The following CNTLN variants were observed in gnomAD, a reference collection of about 807,000 sequenced individuals.
CNTLN encodes the protein centlein, also known as centlein, centrosomal protein.
Under a neutral mutation model 180.0 loss-of-function variants are expected in CNTLN, and 212 were observed. The ratio of observed to expected loss-of-function variants is 1.18; its 90% CI spans 1.05 to 1.32. The LOEUF is 1.32. CNTLN is among the 40% of genes most tolerant of loss of function. CNTLN has a pLI of 0.00. For synonymous variants in CNTLN, 722 were observed against 563.1 expected, an observed-to-expected ratio of 1.28 and a Z score of -3.99; for missense variants, 2,095 against 1,610.9, an observed-to-expected ratio of 1.30 and a Z score of -5.14.
At chr9:17,509,227 A>C in the CNTLN span, among the ~76,000 whole-genome samples, 1 of 152,290 alleles carries the variant, frequency 6.6e-6, no homozygotes, top group East Asian at 1.9e-4. Context: ...GCACAGACCA[A>C]CACTCAGCCC....
At chr9:17,337,847 C>T (rs1299136144) in intron 10 of CNTLN, among the ~76,000 whole-genome samples, 2 of 152,112 alleles carry the variant, frequency 1.3e-5, no homozygotes, top group Admixed American at 6.5e-5. Context: ...TTTATTTTCA[C>T]ATCTTGGTCA....
intron 12 of CNTLN, among the ~76,000 whole-genome samples, chr9:17,352,639 C>G (rs576587367): frequency 4.6e-5 from 7 of 152,078 alleles, no homozygotes; most frequent in Non-Finnish European, 1.0e-4. Flanking sequence ...TAGCAGTGAA[C>G]TTTAATTCAA....
At chr9:17,517,561 T>C in the CNTLN span, among the ~76,000 whole-genome samples, 1 of 152,028 alleles carries the variant, frequency 6.6e-6, no homozygotes, top group Non-Finnish European at 1.5e-5. Context: ...GACACAAAGA[T>C]ACACACAGAG....
chr9:17,391,858 TC>T (rs1351768275), intron 14 of CNTLN, among the ~76,000 whole-genome samples: 7 of 152,114 alleles, frequency 4.6e-5, no homozygotes. Context: ...CATTTAATAC[TC>T]CCAACAAAAC....
chr9:17,298,999 TTTGG>T (rs1404251156), intron 7 of CNTLN: 3 of 905,630 alleles, frequency 3.3e-6, no homozygotes, highest in African/African-American at 1.8e-5. Flanking sequence ...ATCCCAGCAC[TTTGG>T]GAGGCTGAGG....
rs1184823046 is a variant in CNTLN, at chr9:17,466,816, A to C, written c.3780A>C (p.Glu1260Asp). ...KQLQELALQS[E>D]QVLEGAQKTL... ...TTCAAGAATTAGCATTGCAAAGTGAACAGGTCCTAGAAGGTGCACAGAAGA... is the reference window on the plus strand; with the variant it reads ...TTCAAGAATTAGCATTGCAAAGTGACCAGGTCCTAGAAGGTGCACAGAAGA... The change falls in exon 23 of 26, where the codon GAA (glutamate) becomes GAC (aspartate). Residue 1260 changes from glutamate to aspartate, a missense_variant. By Grantham distance (45) the Glu-to-Asp change is conservative. Coordinates refer to ENST00000380647, the MANE Select transcript of CNTLN (RefSeq NM_017738.4). 6.2e-7 allele frequency: 1 copy of C among 1,611,058 alleles called. No individual in the cohort carries two copies. Among genetic ancestry groups the C allele is most frequent in the Non-Finnish European group, 8.5e-7 (1 of 1,177,990 alleles).
At chr9:17,486,920 A>G (rs1832917945) in intron 24 of CNTLN, 69 bp from the exon 25 acceptor site, 1 of 693,268 alleles carries the variant, frequency 1.4e-6, no homozygotes, top group African/African-American at 1.9e-5. Context: ...AGATTTATTC[A>G]GTATCTAATA....
At chr9:17,515,211 T>C in the CNTLN span, among the ~76,000 whole-genome samples, 3 of 152,198 alleles carry the variant, frequency 2.0e-5, no homozygotes, top group African/African-American at 2.4e-5. Context: ...GTCTTCACTT[T>C]GCTTCTTGTA....
Position 17,209,254 on chromosome 9 carries a change from T to C in CNTLN, c.450-16949T>C, listed in dbSNP as rs1823122779. 3.9e-5 allele frequency among the ~76,000 whole-genome samples: 6 copies of C among 152,206 alleles called. No homozygotes were observed. The South Asian group carries it at 1.2e-3, about 31-fold the overall frequency. ...AATTCCTCCTGTTACTGATTTCTAG[T>C]TTTATTCCATTGTAGTCAGAGAAGA... On this transcript the variant is annotated intron_variant, in intron 2 of 25. Transcript: ENST00000380647.
intron 12 of CNTLN, among the ~76,000 whole-genome samples, chr9:17,357,607 A>G (rs1358898754): frequency 1.1e-5 from 1 of 94,250 alleles, no homozygotes; most frequent in East Asian, 3.8e-4. Flanking sequence ...TACTACATAT[A>G]TATATAAATA....
intron 18 of CNTLN, among the ~76,000 whole-genome samples, chr9:17,420,737 G>C (rs1828654146): frequency 6.6e-6 from 1 of 151,854 alleles, no homozygotes; most frequent in Admixed American, 6.6e-5. Flanking sequence ...TGTTCCATAG[G>C]TCTTGGTATG....
intron 10 of CNTLN, among the ~76,000 whole-genome samples, chr9:17,335,667 A>G (rs1187870901): frequency 6.6e-6 from 1 of 151,920 alleles, no homozygotes; most frequent in Non-Finnish European, 1.5e-5. Flanking sequence ...GCCAGGCACG[A>G]TGGCTCAGGC....
At chr9:17,483,683 C>T (rs1264562415) in intron 23 of CNTLN, among the ~76,000 whole-genome samples, 1 of 152,164 alleles carries the variant, frequency 6.6e-6, no homozygotes, top group African/African-American at 2.4e-5. Flanking sequence ...CTCAAAGAGG[C>T]AACTTAAAGG....
chr9:17,327,636 C>CA (rs1179915341), intron 8 of CNTLN, among the ~76,000 whole-genome samples: 1 of 151,186 alleles, frequency 6.6e-6, no homozygotes, highest in African/African-American at 2.4e-5. Flanking sequence ...ATTTTATTTG[C>CA]AAAAAAATAA....
intron 2 of CNTLN, among the ~76,000 whole-genome samples, chr9:17,214,451 T>A (rs1419789595): frequency 6.6e-6 from 1 of 152,228 alleles, no homozygotes; most frequent in African/African-American, 2.4e-5. Context: ...CTTCCCTTTG[T>A]GGGTAACCCG....
intron 10 of CNTLN, among the ~76,000 whole-genome samples, chr9:17,337,323 A>G (rs549263136): frequency 1.3e-5 from 2 of 149,390 alleles, no homozygotes; most frequent in South Asian, 2.1e-4. Flanking sequence ...ATTAGATCCC[A>G]TTTGTCAATT....
intron 1 of CNTLN, 99 bp from the exon 2 acceptor site, chr9:17,143,189 G>C: frequency 1.3e-6 from 1 of 773,596 alleles, no homozygotes; most frequent in Non-Finnish European, 2.2e-6. Flanking sequence ...ATACAACTAG[G>C]GATCAAGTAA....
rs3837233 is a variant in CNTLN at position 17,307,972 on chromosome 9, CCACACACACACACACACACACA to C, written c.1147-1061_1147-1040del. On this transcript the variant is annotated intron_variant, in intron 7 of 25. Transcript: ENST00000380647. ...AAGATTTTACTGTTAGCCTTTAAAA[CCACACACACACACACACACACA>C]CACACACACACACACACACACACAT... Among the ~76,000 whole-genome samples, 30 of 137,908 alleles carry C rather than the reference CCACACACACACACACACACACA, an allele frequency of 2.2e-4. No individual in the cohort carries two copies. In the Middle Eastern group the frequency reaches 0.011, roughly 53 times the overall value. The allele number at this position is 137,908 out of a possible 152,430, so 90.5% of individuals were successfully genotyped here.
At chr9:17,265,985 AC>A (rs1827403505) in intron 5 of CNTLN, among the ~76,000 whole-genome samples, 1 of 151,898 alleles carries the variant, frequency 6.6e-6, no homozygotes, top group South Asian at 2.1e-4. Context: ...TTTTCAAAAA[AC>A]CAGCTCCTGG....
Sources: gnomAD v4.1 joint callset for allele counts (sites outside exome capture counted in the v4.1 genomes callset) on GRCh38, gnomAD v4.1.1 for gene constraint, MANE v1.5 for transcripts, NCBI Gene and HGNC (gene_info 2026-07-23, HGNC 2026-07-21) for gene names.